Variants in SCG3 observed in about 807,000 individuals in gnomAD.
SCG3 encodes the protein secretogranin-3.
Under a neutral mutation model 56.2 loss-of-function variants are expected in SCG3, and 38 were observed. The observed-to-expected ratio is 0.68, with a 90% CI of 0.52 to 0.89. SCG3 has a LOEUF of 0.89. Among genes scored for constraint, SCG3 ranks in the 40% least tolerant of loss-of-function variants. SCG3 has a pLI of 0.00. For synonymous variants in SCG3, 176 were observed against 184.2 expected (o/e 0.96, Z 0.36); for missense variants, 524 against 540.7 (o/e 0.97, Z 0.31).
At chr15:51,708,285 A>C (rs2055388708) in intron 10 of SCG3, 1 of 152,228 alleles carries the variant, frequency 6.6e-6, no homozygotes, top group Non-Finnish European at 1.5e-5. Context: ...CTGCAAAGAG[A>C]AAAGTCAATA....
chr15:51,686,437 T>A (rs1023385302), intron 4 of SCG3, among the ~76,000 whole-genome samples: 3 of 152,196 alleles, frequency 2.0e-5, no homozygotes, highest in African/African-American at 7.2e-5. Flanking sequence ...TCATCTCAGT[T>A]ATTTTCCAGG....
At chr15:51,695,317 A>G (rs2055295702) in intron 7 of SCG3, among the ~76,000 whole-genome samples, 1 of 152,226 alleles carries the variant, frequency 6.6e-6, no homozygotes, top group Non-Finnish European at 1.5e-5. Context: ...TTGCCCTCAG[A>G]GACTTACCAC....
Position 51,689,344 on chromosome 15 carries a change from G to C in SCG3, c.666G>C (p.Gln222His), listed in dbSNP as rs776096473. The change falls in exon 6 of 12, where the codon CAG (glutamine) becomes CAC (histidine). Residue 222 changes from glutamine (Q) to histidine (H), a missense_variant. Transcript: ENST00000220478. The stretch of plus-strand genomic sequence containing the variant: ...AGCCCACAAGCTGGACTGAGAATCA[G>C]GCTGGAAAAATACCAGAGAAAGTGG... ...PNKPTSWTEN[Q>H]AGKIPEKVTP... is the part of the protein sequence containing the mutation. The C allele has an allele frequency of 1.2e-6, 2 of 1,613,684 alleles. No individual in the cohort carries two copies. Among genetic ancestry groups the C allele is most frequent in the Non-Finnish European group, 8.5e-7 (1 of 1,179,878 alleles).
At chr15:51,700,944 T>C (rs747050741) in intron 9 of SCG3, among the ~76,000 whole-genome samples, 163 bp from the exon 10 acceptor site, 1 of 152,212 alleles carries the variant, frequency 6.6e-6, no homozygotes, top group Non-Finnish European at 1.5e-5. Context: ...TCTTCTGTGA[T>C]ATGGGGTTAA....
In SCG3 at chr15:51,691,139, G is replaced by C. The variant is rs776257293; in HGVS notation, c.691-1020G>C. On this transcript the variant is annotated intron_variant, in intron 6 of 11. Transcript: ENST00000220478. The stretch of plus-strand genomic sequence containing the variant: ...AATAGGAGTTAACTTGTGAACATGA[G>C]AGGCAGCACATAGAGAAGGATGTGT... Among the ~76,000 whole-genome samples, 31 of 152,196 alleles carry C rather than the reference G, an allele frequency of 2.0e-4. 1 individual carries two copies. The highest frequency in any genetic ancestry group is 3.1e-4 in the Non-Finnish European group (21 of 68,030).
rs1014472785 is a variant in SCG3 at position 51,704,999 on chromosome 15, AT to A, written c.1207+3764del. On this transcript the variant is annotated intron_variant, in intron 10 of 11. Transcript: ENST00000220478. ...CCTTGCCTAGACTTTTTATTTCTGGATTTTTTTTTATCCTAACAGATGTGAG... is the reference window on the plus strand; with the variant it reads ...CCTTGCCTAGACTTTTTATTTCTGGATTTTTTTTATCCTAACAGATGTGAG... Among the ~76,000 whole-genome samples, 249 of 150,288 alleles carry A rather than the reference AT, an allele frequency of 1.7e-3. 5 individuals are homozygous for A. Among genetic ancestry groups the A allele is most frequent in the African/African-American group, 5.4e-3 (222 of 41,044 alleles).
At chr15:51,689,398 GGGGTGTGTGTGT>G (rs1437731606) in intron 6 of SCG3, 30 bp downstream of exon 6, 31 of 904,064 alleles carry the variant, frequency 3.4e-5, no homozygotes, top group Admixed American at 6.4e-5. Context: ...CATATGCATG[GGGGTGTGTGTGT>G]GTGTGTGTGT....
At chr15:51,704,760 A>AATAC (rs750663073) in intron 10 of SCG3, among the ~76,000 whole-genome samples, 8,455 of 43,870 alleles carry the variant, frequency 0.19, 758 homozygotes, top group Admixed American at 0.34. Context: ...TGTTGTGAGT[A>AATAC]ATACATATAT....
intron 4 of SCG3, among the ~76,000 whole-genome samples, chr15:51,684,964 G>C (rs542797834): frequency 6.6e-4 from 100 of 152,328 alleles, no homozygotes; most frequent in African/African-American, 2.4e-3. Flanking sequence ...TTGAGAACCA[G>C]TGCTTAGGAG....
intron 10 of SCG3, among the ~76,000 whole-genome samples, chr15:51,710,167 G>A (rs1436864495): frequency 6.6e-6 from 1 of 152,080 alleles, no homozygotes; most frequent in Non-Finnish European, 1.5e-5. Flanking sequence ...TTTCTTGAGA[G>A]CTTACTCTCT....
chr15:51,690,098 G>A (rs1403994977), intron 6 of SCG3, among the ~76,000 whole-genome samples: 1 of 152,084 alleles, frequency 6.6e-6, no homozygotes, highest in Non-Finnish European at 1.5e-5. Flanking sequence ...CAAAGAAGTG[G>A]GTTGACTAGA....
At position 51,701,104 on chromosome 15, in the gene SCG3, C is replaced by T. The variant is rs369652306; in HGVS notation, c.1070-3C>T. On this transcript the variant is annotated splice_polypyrimidine_tract_variant and splice_region_variant and intron_variant, in intron 9 of 11. Transcript: ENST00000220478. ...ATGACAACAATGCTCAATCTGATTA[C>T]AGCACCATCAGAGAAGAGTCATGAA... 313 of 1,613,406 alleles carry T rather than the reference C, an allele frequency of 1.9e-4. No homozygotes were observed. The highest frequency in any genetic ancestry group is 2.6e-4 in the Non-Finnish European group (305 of 1,179,874).
In SCG3 at chr15:51,688,254, G is replaced by C; in HGVS notation, c.398-6G>C. 6.2e-7 allele frequency: 1 copy of C among 1,612,264 alleles called. No homozygotes were observed. The highest frequency in any genetic ancestry group is 8.5e-7 in the Non-Finnish European group (1 of 1,178,614). ...TATGGTGTGAAGTTGTGGTCGTTCT[G>C]TCTAGATGATCCAGATGGTCTTCAT... On this transcript the variant is annotated splice_region_variant and splice_polypyrimidine_tract_variant and intron_variant, in intron 4 of 11. Transcript: ENST00000220478.
chr15:51,698,516 T>A (rs906842622), intron 8 of SCG3, among the ~76,000 whole-genome samples: 6 of 152,214 alleles, frequency 3.9e-5, no homozygotes, highest in Non-Finnish European at 8.8e-5. Flanking sequence ...GGCTTCCTTA[T>A]GAATTAGTGA....
At chr15:51,701,327 CAAG>C in intron 10 of SCG3, 83 bp downstream of exon 10, 1 of 1,366,734 alleles carries the variant, frequency 7.3e-7, no homozygotes, top group Non-Finnish European at 9.9e-7. Context: ...ATCCAAAGAG[CAAG>C]CTCCATCACA....
chr15:51,682,404 T>C, intron 1 of SCG3, 113 bp from the exon 2 acceptor site: 1 of 556,672 alleles, frequency 1.8e-6, no homozygotes, highest in South Asian at 2.5e-5. Context: ...TTCATAGTCA[T>C]CCAAAATTAT....
At chr15:51,688,923 A>C (rs2055247878) in intron 5 of SCG3, among the ~76,000 whole-genome samples, 1 of 152,158 alleles carries the variant, frequency 6.6e-6, no homozygotes, top group South Asian at 2.1e-4. Flanking sequence ...TCTGACTATG[A>C]CCCAAAGCTG....
At position 51,681,622 on chromosome 15, in the gene SCG3, C is replaced by G; in HGVS notation, c.-134C>G. On this transcript the variant is annotated 5_prime_UTR_variant, in exon 1 of 12. Coordinates refer to ENST00000220478, the MANE Select transcript of SCG3 (RefSeq NM_013243.4). ...GAGTGTCAGAGATCCTGCAGCCGCC[C>G]AGTCCCGGCCCCTCTCCCGCCCCAC... is the stretch of plus-strand genomic sequence containing the variant. 1.5e-6 allele frequency: 1 copy of G among 668,542 alleles called. No homozygotes were observed. Among genetic ancestry groups the G allele is most frequent in the South Asian group, 1.7e-5 (1 of 57,896 alleles). 41.4% of individuals were successfully genotyped at this position (668,542 alleles called of 1,614,324 possible). A position where few individuals can be genotyped will look rare whatever the true frequency, so the allele number is the denominator to read the frequency against.
chr15:51,685,917 AC>A (rs1209004478), intron 4 of SCG3, among the ~76,000 whole-genome samples: 1 of 152,230 alleles, frequency 6.6e-6, no homozygotes, highest in Non-Finnish European at 1.5e-5. Context: ...TAGACAATAA[AC>A]CCTGTGTAGT....
Sources: allele counts gnomAD v4.1 joint callset (sites outside exome capture counted in the v4.1 genomes callset), GRCh38; gene constraint gnomAD v4.1.1; transcripts MANE v1.5; gene names NCBI Gene and HGNC (gene_info 2026-07-23, HGNC 2026-07-21).